Variants in APCDD1L observed in about 807,000 individuals in gnomAD.
The protein encoded by APCDD1L is APC down-regulated 1 like, also known as protein APCDD1-like.
In APCDD1L, 21 loss-of-function variants were observed where a neutral mutation model predicts 24.2. The ratio of observed to expected loss-of-function variants is 0.87; its 90% confidence interval spans 0.61 to 1.25. The LOEUF is 1.25. Among genes scored for constraint, APCDD1L ranks in the 50% most tolerant of loss-of-function variants. The pLI, the probability that APCDD1L is intolerant of heterozygous loss-of-function variation, is 0.00. For missense variants in APCDD1L, 704 were observed against 711.7 expected (o/e 0.99, Z 0.12); for synonymous variants, 321 against 323.6 (o/e 0.99, Z 0.09).
chr20:58,471,918 G>C (rs959460523), intron 1 of APCDD1L, among the ~76,000 whole-genome samples: 1 of 152,198 alleles, frequency 6.6e-6, no homozygotes, highest in African/African-American at 2.4e-5. Flanking sequence ...CAGTCCAGGG[G>C]ATGTGGGGGC....
rs1989576932 is a variant in APCDD1L at position 58,460,612 on chromosome 20, C to T, written c.*178G>A. The T allele has an allele frequency of 2.7e-6, 2 of 739,870 alleles. No homozygotes were observed. Among genetic ancestry groups the T allele is most frequent in the Non-Finnish European group, 3.9e-6 (2 of 509,232 alleles). The allele number at this position is 739,870 out of a possible 1,614,324, so 45.8% of individuals were successfully genotyped here. On this transcript the variant is annotated 3_prime_UTR_variant, in exon 4 of 4. Coordinates refer to ENST00000371149, the MANE Select transcript of APCDD1L (RefSeq NM_153360.3). The surrounding 1 kb of genome is among the most constrained non-coding windows in gnomAD (Gnocchi z 4.2). ...GCTGTGGGATGTGGTATAGGCTTTGCAGGGGTTAAGCTCATGTCCTGAGCC... is the reference window on the plus strand; with the variant it reads ...GCTGTGGGATGTGGTATAGGCTTTGTAGGGGTTAAGCTCATGTCCTGAGCC...
chr20:58,505,546 G>T (rs1990515223), intron 1 of APCDD1L, among the ~76,000 whole-genome samples: 1 of 152,170 alleles, frequency 6.6e-6, no homozygotes, highest in African/African-American at 2.4e-5. Flanking sequence ...CCCTGGATAT[G>T]GTTTGGCCCT....
chr20:58,490,878 A>G (rs1437355918), intron 1 of APCDD1L, among the ~76,000 whole-genome samples: 1 of 152,232 alleles, frequency 6.6e-6, no homozygotes, highest in Non-Finnish European at 1.5e-5. Flanking sequence ...ATTTATGGAC[A>G]TGGTTGTGAA....
chr20:58,490,495 G>A (rs1990205026), intron 1 of APCDD1L, among the ~76,000 whole-genome samples: 1 of 152,210 alleles, frequency 6.6e-6, no homozygotes, highest in Non-Finnish European at 1.5e-5. Context: ...ACACATGGAA[G>A]TGGCTGCATA....
intron 2 of APCDD1L, among the ~76,000 whole-genome samples, chr20:58,468,971 G>C (rs1316646493): frequency 6.6e-6 from 1 of 152,142 alleles, no homozygotes; most frequent in Non-Finnish European, 1.5e-5. Context: ...ATAATGTTGA[G>C]GGGAAATTCT....
Position 58,514,744 on chromosome 20 carries a change from C to T in APCDD1L, c.-37G>A. On this transcript the variant is annotated 5_prime_UTR_variant, in exon 1 of 4. Coordinates refer to ENST00000371149, the MANE Select transcript of APCDD1L (RefSeq NM_153360.3). ...TGGCAGGACCGCCCGCCGGGCGCTG[C>T]CACGGTGCGCAAGGGGAGGCGCGGG... is the stretch of plus-strand genomic sequence containing the variant. 1 of 1,282,920 alleles carries T rather than the reference C, an allele frequency of 7.8e-7. No individual in the cohort carries two copies. Among genetic ancestry groups the T allele is most frequent in the Non-Finnish European group, 9.9e-7 (1 of 1,008,044 alleles). The allele number at this position is 1,282,920 out of a possible 1,614,324, so 79.5% of individuals were successfully genotyped here.
rs747455866 is a variant in APCDD1L, at chr20:58,461,492, G to C, written c.804C>G (p.Pro268=). The C allele has an allele frequency of 2.0e-6, 3 of 1,464,920 alleles. No homozygotes were observed. The highest frequency in any genetic ancestry group is 1.4e-5 in the South Asian group (1 of 69,946). 90.7% of individuals were successfully genotyped at this position (1,464,920 alleles called of 1,614,324 possible). A position where few individuals can be genotyped will look rare whatever the true frequency, so the allele number is the denominator to read the frequency against. ...GCAGGGCCAGAGGGGGCGGCAGCAC[G>C]GGCGGGTGGTGCACATCGGAGCGGG... is the stretch of plus-strand genomic sequence containing the variant. The part of the protein sequence containing the change: ...LIARSDVHHP[P]VLPPPLALPL... Residue 268 remains proline (P), a synonymous_variant, in exon 4 of 4, where the codon CCC becomes CCG. Transcript: ENST00000371149. The surrounding 1 kb of genome is among the most constrained non-coding windows in gnomAD (Gnocchi z 6.0).
rs765223623 is a variant in APCDD1L at position 58,467,584 on chromosome 20, T to A, written c.263A>T (p.His88Leu). 2.6e-6 allele frequency: 4 copies of A among 1,566,400 alleles called. No homozygotes were observed. The highest frequency in any genetic ancestry group is 3.6e-5 in the Admixed American group (2 of 55,050). Residue 88 changes from histidine to leucine, a missense_variant, in exon 3 of 4, where the codon CAC becomes CTC. Physicochemically the swap from His to Leu is moderately conservative, Grantham distance 99 (BLOSUM62 -3). Transcript: ENST00000371149. The surrounding 1 kb of genome is among the most constrained non-coding windows in gnomAD (Gnocchi z 5.9). ...TFYPSRLFRA[H>L]QFYYEDPFCG... ...GAAGGGGTCCTCGTAGTAGAACTGGTGGGCTCGAAAGAGCCGGCTGGGGTA... is the reference window on the plus strand; with the variant it reads ...GAAGGGGTCCTCGTAGTAGAACTGGAGGGCTCGAAAGAGCCGGCTGGGGTA...
intron 1 of APCDD1L, among the ~76,000 whole-genome samples, chr20:58,501,351 A>C (rs1990434288): frequency 6.6e-6 from 1 of 152,192 alleles, no homozygotes; most frequent in South Asian, 2.1e-4. Flanking sequence ...AGGCCATTAG[A>C]GTGGGCCCTA....
intron 1 of APCDD1L, among the ~76,000 whole-genome samples, chr20:58,484,330 C>T (rs2123160117): frequency 6.6e-6 from 1 of 152,224 alleles, no homozygotes; most frequent in East Asian, 1.9e-4. Flanking sequence ...GTATACATTA[C>T]CCTCCAGCTT....
At chr20:58,487,406 A>C (rs1334220374) in intron 1 of APCDD1L, among the ~76,000 whole-genome samples, 5 of 104,932 alleles carry the variant, frequency 4.8e-5, no homozygotes, top group Non-Finnish European at 9.4e-5. Context: ...AATTCCTTAA[A>C]TATTAAAAAA....
chr20:58,463,742 C>T (rs1989656779), intron 3 of APCDD1L, among the ~76,000 whole-genome samples: 1 of 152,032 alleles, frequency 6.6e-6, no homozygotes, highest in East Asian at 1.9e-4. Flanking sequence ...TTTGAGGGTC[C>T]AGCTGGGAAA....
Position 58,488,152 on chromosome 20 carries a change from C to T in APCDD1L, c.50-17405G>A, listed in dbSNP as rs182723299. ...TTAAATTGAGTGCTGTTCTGAGTAGCGTGATGAAATCTTGCACCATTCTGC... is the reference window on the plus strand; with the variant it reads ...TTAAATTGAGTGCTGTTCTGAGTAGTGTGATGAAATCTTGCACCATTCTGC... On this transcript the variant is annotated intron_variant, in intron 1 of 3. Coordinates refer to ENST00000371149, the MANE Select transcript of APCDD1L (RefSeq NM_153360.3). Among the ~76,000 whole-genome samples the T allele has an allele frequency of 5.2e-4, 79 of 152,234 alleles. No homozygotes were observed. The East Asian group carries it at 8.5e-3, about 16-fold the overall frequency.
intron 3 of APCDD1L, among the ~76,000 whole-genome samples, chr20:58,462,934 G>T (rs1256931203): frequency 6.6e-6 from 1 of 151,594 alleles, no homozygotes; most frequent in Non-Finnish European, 1.5e-5. Context: ...ATGAGGTCAG[G>T]AGATCAAGAC....
intron 1 of APCDD1L, among the ~76,000 whole-genome samples, chr20:58,493,400 G>A (rs1990262023): frequency 6.6e-6 from 1 of 152,178 alleles, no homozygotes; most frequent in African/African-American, 2.4e-5. Flanking sequence ...ACAAGTCCAA[G>A]AAGGTTCCTA....
At position 58,463,906 on chromosome 20, in the gene APCDD1L, G is replaced by GT. The variant is rs397865536; in HGVS notation, c.742-2353_742-2352insA. Among the ~76,000 whole-genome samples, 4 of 105,228 alleles carry GT rather than the reference G, an allele frequency of 3.8e-5. 1 individual carries two copies. In the East Asian group the frequency reaches 1.5e-3, roughly 39 times the overall value. 69.0% of individuals were successfully genotyped at this position (105,228 alleles called of 152,430 possible). The stretch of plus-strand genomic sequence containing the variant: ...AACAGTTTTTTTTTGGGGGGGGGGG[G>GT]CGTCACATTTTATAAGCTGTTATTT... On this transcript the variant is annotated intron_variant, in intron 3 of 3. Coordinates refer to ENST00000371149, the MANE Select transcript of APCDD1L (RefSeq NM_153360.3).
At chr20:58,480,307 C>T (rs1279627055) in intron 1 of APCDD1L, among the ~76,000 whole-genome samples, 3 of 152,060 alleles carry the variant, frequency 2.0e-5, no homozygotes, top group African/African-American at 4.8e-5. Flanking sequence ...GAAGGCTGCC[C>T]GAGAAAGTCA....
intron 3 of APCDD1L, among the ~76,000 whole-genome samples, chr20:58,462,315 G>A (rs1272413974): frequency 3.3e-5 from 5 of 152,074 alleles, no homozygotes; most frequent in South Asian, 2.1e-4. Context: ...CCAGAGGGCC[G>A]GCTGGGCTGC....
chr20:58,491,906 G>C (rs566360272), intron 1 of APCDD1L, among the ~76,000 whole-genome samples: 1 of 152,338 alleles, frequency 6.6e-6, no homozygotes, highest in Non-Finnish European at 1.5e-5. Flanking sequence ...AGAGAGCTCA[G>C]ATGGTGACTC....
Sources: gnomAD v4.1 joint callset for allele counts (sites outside exome capture counted in the v4.1 genomes callset) on GRCh38, gnomAD v4.1.1 for gene constraint, Gnocchi (gnomAD v3.1) non-coding constraint, MANE v1.5 for transcripts, NCBI Gene and HGNC (gene_info 2026-07-23, HGNC 2026-07-21) for gene names.